SLC39A8: variants seen among roughly 807,000 people sequenced by gnomAD.
SLC39A8 encodes the protein solute carrier family 39 member 8.
SLC39A8 carries 15 observed loss-of-function variants against 40.4 expected under a neutral mutation model. The ratio of observed to expected loss-of-function variants is 0.37; its 90% CI spans 0.25 to 0.57. The LOEUF is 0.57. Ranked by LOEUF, SLC39A8 falls within the 20% of genes least tolerant of loss-of-function variation. SLC39A8 has a pLI of 0.75. For missense variants in SLC39A8, 472 were observed against 558.8 expected (o/e 0.84, Z 1.57); for synonymous variants, 223 against 221.6 (o/e 1.01, Z -0.06).
rs1053479965 is a variant in SLC39A8, at chr4:102,304,169, T to C, written c.840+148A>G. The stretch of plus-strand genomic sequence containing the variant: ...ATATACAGGGAAGGTGGAAAAACAA[T>C]GCAGACTTACATTCCAGTTACCCCA... On this transcript the variant is annotated intron_variant, in intron 6 of 8. Coordinates refer to ENST00000356736, the MANE Select transcript of SLC39A8 (RefSeq NM_001135146.2). 12 of 552,074 alleles carry C rather than the reference T, an allele frequency of 2.2e-5. No homozygotes were observed. The Admixed American group carries it at 4.3e-4, about 20-fold the overall frequency. The allele number at this position is 552,074 out of a possible 1,614,324, so 34.2% of individuals were successfully genotyped here.
chr4:102,311,015 A>C (rs1254782060), intron 3 of SLC39A8, among the ~76,000 whole-genome samples: 1 of 152,078 alleles, frequency 6.6e-6, no homozygotes, highest in Non-Finnish European at 1.5e-5. Context: ...ATATGGTTCT[A>C]TTATGATACC....
At chr4:102,282,903 T>C (rs1732965667) in intron 6 of SLC39A8, among the ~76,000 whole-genome samples, 2 of 152,082 alleles carry the variant, frequency 1.3e-5, no homozygotes, top group African/African-American at 4.8e-5. Flanking sequence ...ATTTTTTGTA[T>C]TTTTAGTAGA....
chr4:102,312,183 A>C (rs1734462269), intron 3 of SLC39A8, among the ~76,000 whole-genome samples: 1 of 152,114 alleles, frequency 6.6e-6, no homozygotes, highest in South Asian at 2.1e-4. Flanking sequence ...AAAAGGCAAT[A>C]GAGTGCCAAG....
Position 102,344,485 on chromosome 4 carries a change from G to T in SLC39A8, c.178C>A (p.Arg60Ser). 6.4e-7 allele frequency: 1 copy of T among 1,551,320 alleles called. No homozygotes were observed. The highest frequency in any genetic ancestry group is 1.4e-5 in the African/African-American group (1 of 72,538). The change falls in exon 2 of 9, where the codon CGC becomes AGC. Residue 60 changes from arginine to serine, a missense_variant. By Grantham distance (110) the Arg-to-Ser change is moderately radical. Around this residue, in one of 4 missense-constraint regions of SLC39A8, gnomAD observed 175 missense variants for 160.5 expected, o/e 1.09. Coordinates refer to ENST00000356736, the MANE Select transcript of SLC39A8 (RefSeq NM_001135146.2). ...HLLEQMGAAS[R>S]VGVPEPGQLH... ...TGGCCAGGCTCCGGGACGCCCACGCGGGAGGCGGCTCCCATCTGCTCCAGC... is the reference window on the plus strand; with the variant it reads ...TGGCCAGGCTCCGGGACGCCCACGCTGGAGGCGGCTCCCATCTGCTCCAGC...
downstream of SLC39A8, among the ~76,000 whole-genome samples, chr4:102,260,195 G>A (rs1334106396): frequency 1.3e-5 from 2 of 152,158 alleles, no homozygotes; most frequent in East Asian, 3.8e-4. Context: ...GGCTGCATAA[G>A]AACCATCTGG....
chr4:102,338,186 C>A (rs986120798), intron 2 of SLC39A8, among the ~76,000 whole-genome samples: 4 of 131,220 alleles, frequency 3.0e-5, no homozygotes, highest in Non-Finnish European at 6.6e-5. Context: ...CATCTTATTT[C>A]TTTTTTTTTT....
At chr4:102,311,501 T>C (rs2149037933) in intron 3 of SLC39A8, among the ~76,000 whole-genome samples, 1 of 152,220 alleles carries the variant, frequency 6.6e-6, no homozygotes, top group Middle Eastern at 3.4e-3. Context: ...ACATCACTAG[T>C]TGTATTACAG....
chr4:102,323,962 T>C (rs989309089), intron 2 of SLC39A8, among the ~76,000 whole-genome samples: 3 of 152,154 alleles, frequency 2.0e-5, no homozygotes, highest in Admixed American at 2.0e-4. Context: ...GAGACAGACT[T>C]CAAAAATAAC....
chr4:102,327,103 T>A lies in SLC39A8; in HGVS notation c.220-11273A>T, dbSNP rs1012208939. Among the ~76,000 whole-genome samples the A allele has an allele frequency of 7.9e-5, 12 of 152,118 alleles. No individual in the cohort carries two copies. The East Asian group carries it at 2.3e-3, about 29-fold the overall frequency. On this transcript the variant is annotated intron_variant, in intron 2 of 8. Coordinates refer to ENST00000356736, the MANE Select transcript of SLC39A8 (RefSeq NM_001135146.2). ...TCAAAACCAGCTTGAATGACAAAAA[T>A]AATTAAAAATTAGCTAAGCATGATG...
At chr4:102,337,086 C>T (rs1265874251) in intron 2 of SLC39A8, among the ~76,000 whole-genome samples, 5 of 151,948 alleles carry the variant, frequency 3.3e-5, no homozygotes. Flanking sequence ...CATTACCAGC[C>T]ACATTAAATT....
chr4:102,330,593 G>A lies in SLC39A8; in HGVS notation c.219+13851C>T, dbSNP rs191108984. On this transcript the variant is annotated intron_variant, in intron 2 of 8. Coordinates refer to ENST00000356736, the MANE Select transcript of SLC39A8 (RefSeq NM_001135146.2). ...TTCACAGCTCTGTATCGGTATTCAC[G>A]GATACAGAGGAGCTGGTACCATTCC... is the stretch of plus-strand genomic sequence containing the variant. Among the ~76,000 whole-genome samples the A allele has an allele frequency of 5.3e-5, 8 of 152,168 alleles. No individual in the cohort carries two copies. In the East Asian group the frequency reaches 1.4e-3, roughly 26 times the overall value.
chr4:102,329,904 A>G (rs1234893667), intron 2 of SLC39A8, among the ~76,000 whole-genome samples: 3 of 152,240 alleles, frequency 2.0e-5, no homozygotes, highest in Non-Finnish European at 4.4e-5. Flanking sequence ...CTACATGGAA[A>G]CTGAACAACC....
intron 2 of SLC39A8, among the ~76,000 whole-genome samples, chr4:102,329,412 C>G (rs1735352171): frequency 6.6e-6 from 1 of 151,982 alleles, no homozygotes; most frequent in African/African-American, 2.4e-5. Flanking sequence ...CACCTGATGT[C>G]AAGAGTTCAA....
chr4:102,276,646 G>T (rs1560532416), intron 6 of SLC39A8, among the ~76,000 whole-genome samples: 1 of 152,132 alleles, frequency 6.6e-6, no homozygotes, highest in Non-Finnish European at 1.5e-5. Flanking sequence ...TATGAGGCCA[G>T]CATCATCCTG....
chr4:102,260,531 A>G (rs1294208854), downstream of SLC39A8, among the ~76,000 whole-genome samples: 1 of 152,162 alleles, frequency 6.6e-6, no homozygotes, highest in East Asian at 1.9e-4. Flanking sequence ...TGTAGCAACC[A>G]TCTTAGAGCA....
chr4:102,295,217 AAAGAAAAACC>A (rs771633222), intron 6 of SLC39A8, among the ~76,000 whole-genome samples: 6 of 149,480 alleles, frequency 4.0e-5, no homozygotes, highest in Non-Finnish European at 8.9e-5. Context: ...CACAGAGGGA[AAAGAAAAACC>A]TAAAAGTCTA....
Position 102,262,165 on chromosome 4 carries a change from GT to G in SLC39A8, c.*878del, listed in dbSNP as rs1403156863. The G allele has an allele frequency of 1.0e-6, 1 of 985,716 alleles. No homozygotes were observed. Among genetic ancestry groups the G allele is most frequent in the African/African-American group, 1.7e-5 (1 of 57,316 alleles). 61.1% of individuals were successfully genotyped at this position (985,716 alleles called of 1,614,324 possible). On this transcript the variant is annotated 3_prime_UTR_variant, in exon 9 of 9. Transcript: ENST00000356736. ...AAAATATTCTCTGCTAAATAGTTATGTTTGTCTTTAAAAGTAAATTGCATAA... is the reference window on the plus strand; with the variant it reads ...AAAATATTCTCTGCTAAATAGTTATGTTGTCTTTAAAAGTAAATTGCATAA...
intron 6 of SLC39A8, among the ~76,000 whole-genome samples, chr4:102,276,883 A>G (rs1732640092): frequency 6.6e-6 from 1 of 152,252 alleles, no homozygotes; most frequent in African/African-American, 2.4e-5. Flanking sequence ...ACCAATGACA[A>G]AAAACACATG....
chr4:102,338,543 T>C (rs747170853), intron 2 of SLC39A8, among the ~76,000 whole-genome samples: 1 of 152,196 alleles, frequency 6.6e-6, no homozygotes, highest in Non-Finnish European at 1.5e-5. Context: ...ATCATCATCG[T>C]AGCCTCCACA....
Sources: allele counts gnomAD v4.1 joint callset (sites outside exome capture counted in the v4.1 genomes callset), GRCh38; gene constraint gnomAD v4.1.1; regional missense constraint gnomAD v4.1.1; transcripts MANE v1.5; gene names NCBI Gene and HGNC (gene_info 2026-07-23, HGNC 2026-07-21).